The following PRMT2 variants were observed in gnomAD, a reference collection of about 807,000 sequenced individuals.
PRMT2 encodes the protein protein arginine N-methyltransferase 2.
A neutral mutation model predicts 57.6 loss-of-function variants in PRMT2; 26 were observed. The observed-to-expected ratio is 0.45, with a 90% CI of 0.33 to 0.63. PRMT2 has a LOEUF of 0.63. Among genes scored for constraint, PRMT2 ranks in the 20% least tolerant of loss-of-function variants. The pLI, the probability that PRMT2 is intolerant of heterozygous loss-of-function variation, is 0.02. For missense variants in PRMT2, 472 were observed against 564.4 expected (o/e 0.84, Z 1.66); for synonymous variants, 219 against 220.0 (o/e 1.00, Z 0.04).
Position 46,655,985 on chromosome 21 carries a change from C to T in PRMT2, c.655-2760C>T, listed in dbSNP as rs1033458239. On this transcript the variant is annotated intron_variant, in intron 7 of 11. Transcript: ENST00000355680. ...AAAGGAACTAGTGCTATGGTTTGTC[C>T]CCACCAAATCTCATGTTGAAATTTG... Among the ~76,000 whole-genome samples, 9 of 152,088 alleles carry T rather than the reference C, an allele frequency of 5.9e-5. No homozygotes were observed. In the East Asian group the frequency reaches 9.7e-4, roughly 16 times the overall value.
rs201895552 is a variant in PRMT2, at chr21:46,642,596, C to T, written c.40-939C>T. The stretch of plus-strand genomic sequence containing the variant: ...GTTTTCACACATTTTCTAAAGTAAA[C>T]ACGAATTACTTTTATGTTTAGGAAA... On this transcript the variant is annotated intron_variant, in intron 3 of 11. Transcript: ENST00000355680. Among the ~76,000 whole-genome samples the T allele has an allele frequency of 5.3e-5, 8 of 152,200 alleles. No homozygotes were observed. In the East Asian group the frequency reaches 1.3e-3, roughly 26 times the overall value.
chr21:46,641,920 C>T (rs1209534953), intron 3 of PRMT2, among the ~76,000 whole-genome samples: 2 of 151,952 alleles, frequency 1.3e-5, no homozygotes, highest in Admixed American at 6.5e-5. Context: ...TAGGGAAAAG[C>T]ACGAAGGGTA....
chr21:46,664,230 G>A (rs560120550), intron 11 of PRMT2, 65 bp from the exon 12 acceptor site: 9 of 1,364,550 alleles, frequency 6.6e-6, no homozygotes, highest in Non-Finnish European at 8.4e-6. Context: ...AAACCATTAG[G>A]AAATGTAGTA....
chr21:46,660,783 C>T, intron 8 of PRMT2, 50 bp from the exon 9 acceptor site: 1 of 1,605,554 alleles, frequency 6.2e-7, no homozygotes, highest in Non-Finnish European at 8.5e-7. Flanking sequence ...GTTTTGAAGC[C>T]TAAGATGTTT....
Position 46,649,492 on chromosome 21 carries a change from G to A in PRMT2, c.490-83G>A, listed in dbSNP as rs770036184. The A allele has an allele frequency of 1.2e-5, 19 of 1,599,010 alleles. No individual in the cohort carries two copies. The highest frequency in any genetic ancestry group is 6.6e-5 in the South Asian group (6 of 90,614). On this transcript the variant is annotated intron_variant, in intron 6 of 11. Coordinates refer to ENST00000355680, the MANE Select transcript of PRMT2 (RefSeq NM_206962.4). The surrounding 1 kb of genome is among the most constrained non-coding windows in gnomAD (Gnocchi z 4.8). ...CCTCTTGTGTCATTGACCATTTCTC[G>A]TGATGCTGGTTGTGACTCAGGAGAG...
At chr21:46,637,796 T>C (rs530429435) in intron 3 of PRMT2, among the ~76,000 whole-genome samples, 4 of 152,168 alleles carry the variant, frequency 2.6e-5, no homozygotes, top group African/African-American at 9.6e-5. Flanking sequence ...TGTGTATATA[T>C]ATATGTATAT....
At chr21:46,637,647 G>A (rs746187402) in intron 3 of PRMT2, among the ~76,000 whole-genome samples, 23 of 151,398 alleles carry the variant, frequency 1.5e-4, no homozygotes, top group South Asian at 2.1e-4. Context: ...TTTTAATTCC[G>A]TGGACATCTT....
chr21:46,659,835 CTG>C, intron 8 of PRMT2: 1 of 985,324 alleles, frequency 1.0e-6, no homozygotes, highest in Non-Finnish European at 1.2e-6. Context: ...TGCTGTGTGT[CTG>C]TTAAAAAAGA....
chr21:46,646,440 T>C (rs548839073), intron 5 of PRMT2, among the ~76,000 whole-genome samples: 1 of 152,302 alleles, frequency 6.6e-6, no homozygotes, highest in East Asian at 1.9e-4. Context: ...TGACACCTAA[T>C]GTATTTTACG....
intron 8 of PRMT2, 107 bp downstream of exon 8, chr21:46,659,027 A>AGGGT: frequency 6.8e-7 from 1 of 1,470,868 alleles, no homozygotes; most frequent in Non-Finnish European, 9.0e-7. Context: ...TGGATAAATG[A>AGGGT]GGGTACCTGT....
At chr21:46,646,695 T>C (rs994476497) in intron 5 of PRMT2, among the ~76,000 whole-genome samples, 1 of 152,200 alleles carries the variant, frequency 6.6e-6, no homozygotes, top group Non-Finnish European at 1.5e-5. Context: ...CTGTTTAGAA[T>C]TTCTATAGGG....
At chr21:46,651,503 T>C (rs931978103) in intron 7 of PRMT2, among the ~76,000 whole-genome samples, 2 of 150,170 alleles carry the variant, frequency 1.3e-5, no homozygotes, top group Non-Finnish European at 3.0e-5. Context: ...TTTGGAGGAG[T>C]GCTGGGGTGA....
chr21:46,645,612 T>C (rs2061352883), intron 5 of PRMT2, among the ~76,000 whole-genome samples: 1 of 152,216 alleles, frequency 6.6e-6, no homozygotes, highest in Non-Finnish European at 1.5e-5. Flanking sequence ...AGGATGAATG[T>C]TATAAAAATG....
rs917584493 is a variant in PRMT2, at chr21:46,648,744, G to A, written c.489+125G>A. ...GGCTCACCGGTGACTCCATGGTCTT[G>A]TTGAGCACCCTGCACGTGGGGCTCA... On this transcript the variant is annotated intron_variant, in intron 6 of 11. Coordinates refer to ENST00000355680, the MANE Select transcript of PRMT2 (RefSeq NM_206962.4). The surrounding 1 kb of genome is among the most constrained non-coding windows in gnomAD (Gnocchi z 4.8). The A allele has an allele frequency of 2.4e-6, 3 of 1,259,172 alleles. No homozygotes were observed. Among genetic ancestry groups the A allele is most frequent in the African/African-American group, 3.0e-5 (2 of 67,290 alleles). 78.0% of individuals were successfully genotyped at this position (1,259,172 alleles called of 1,614,324 possible). A position where few individuals can be genotyped will look rare whatever the true frequency, so the allele number is the denominator to read the frequency against.
rs34542867 is a variant in PRMT2, at chr21:46,641,719, CTGTGTGTGTGTGTG to C, written c.40-1800_40-1787del. 7.8e-3 allele frequency among the ~76,000 whole-genome samples: 1,155 copies of C among 148,214 alleles called. 7 individuals carry two copies. Among genetic ancestry groups the C allele is most frequent in the Admixed American group, 0.014 (212 of 14,944 alleles). Reference sequence around the variant, plus strand: ...AAAAAAAGCCAAACAAAGAAACAGCCTGTGTGTGTGTGTGTGTGTGTGTGTGTGTATACGTGTAC... The same window carrying C: ...AAAAAAAGCCAAACAAAGAAACAGCCTGTGTGTGTGTGTGTATACGTGTAC... On this transcript the variant is annotated intron_variant, in intron 3 of 11. Coordinates refer to ENST00000355680, the MANE Select transcript of PRMT2 (RefSeq NM_206962.4).
chr21:46,653,989 T>C, intron 7 of PRMT2: 1 of 999,828 alleles, frequency 1.0e-6, no homozygotes, highest in Non-Finnish European at 1.2e-6. Context: ...TCATAAAAAA[T>C]GCAGCATAGT....
intron 7 of PRMT2, chr21:46,651,766 C>T (rs911862446): frequency 5.0e-6 from 8 of 1,607,160 alleles, no homozygotes; most frequent in Non-Finnish European, 5.1e-6. Flanking sequence ...ATCTGGGAGT[C>T]GTTGGTGCGG....
Position 46,656,829 on chromosome 21 carries a change from CAA to C in PRMT2, c.655-1913_655-1912del, listed in dbSNP as rs1432681939. ...AAAATGTTGATAAATTGAATTTCAT[CAA>C]AACTAAAAATGACTGCTCTGCAAAA... On this transcript the variant is annotated intron_variant, in intron 7 of 11. Coordinates refer to ENST00000355680, the MANE Select transcript of PRMT2 (RefSeq NM_206962.4). 6.6e-5 allele frequency: 10 copies of C among 152,128 alleles called. 1 individual carries two copies. Among genetic ancestry groups the C allele is most frequent in the African/African-American group, 1.2e-4 (5 of 41,490 alleles). 9.4% of individuals were successfully genotyped at this position (152,128 alleles called of 1,614,324 possible).
At chr21:46,650,330 A>G (rs999098062) in intron 7 of PRMT2, among the ~76,000 whole-genome samples, 3 of 152,082 alleles carry the variant, frequency 2.0e-5, no homozygotes, top group African/African-American at 7.2e-5. Flanking sequence ...GACACAGGAC[A>G]TTGTAGTGGA....
Sources: allele counts gnomAD v4.1 joint callset (sites outside exome capture counted in the v4.1 genomes callset), GRCh38; gene constraint gnomAD v4.1.1; non-coding constraint Gnocchi (gnomAD v3.1); transcripts MANE v1.5; gene names NCBI Gene and HGNC (gene_info 2026-07-23, HGNC 2026-07-21).